The following PGBD2 variants were observed in gnomAD, a reference collection of about 807,000 sequenced individuals.
The protein encoded by PGBD2 is piggyBac transposable element derived 2.
In PGBD2, 6 loss-of-function variants were observed where a neutral mutation model predicts 8.1. The ratio of observed to expected loss-of-function variants is 0.74; its 90% CI spans 0.40 to 1.46. The LOEUF (loss-of-function observed/expected upper bound fraction) is 1.46, where lower values mean the gene tolerates loss of function less well. Ranked by LOEUF, PGBD2 falls within the 40% of genes most tolerant of loss-of-function variation. The probability of loss-of-function intolerance (pLI) is 0.02; values close to 1 mark genes in which losing one functional copy is unlikely to be tolerated. For synonymous variants in PGBD2, 318 were observed against 272.2 expected (o/e 1.17, Z -1.66); for missense variants, 802 against 739.0 (o/e 1.09, Z -0.99).
chr1:248,877,680 C>T, the PGBD2 span, among the ~76,000 whole-genome samples: 104,868 of 152,022 alleles, frequency 0.69, 36,437 homozygotes, highest in Middle Eastern at 0.77. Flanking sequence ...ATAGTTCTCT[C>T]TGGAATTTAA....
the PGBD2 span, among the ~76,000 whole-genome samples, chr1:248,928,952 A>T: frequency 6.6e-5 from 10 of 152,234 alleles, no homozygotes; most frequent in Non-Finnish European, 1.2e-4. Flanking sequence ...CTCTGGAATG[A>T]AATGAATTCT....
downstream of PGBD2, among the ~76,000 whole-genome samples, chr1:248,923,986 T>C (rs1662336728): frequency 6.6e-6 from 1 of 152,140 alleles, no homozygotes; most frequent in African/African-American, 2.4e-5. Context: ...CAGAGAGTTT[T>C]AAAAAGGAAA....
chr1:248,921,902 G>A (rs1662293461), downstream of PGBD2, among the ~76,000 whole-genome samples: 1 of 152,202 alleles, frequency 6.6e-6, no homozygotes, highest in East Asian at 1.9e-4. Context: ...TAGCAATTGC[G>A]AATGGGAGTT....
chr1:248,877,261 G>A, the PGBD2 span, among the ~76,000 whole-genome samples: 4 of 152,058 alleles, frequency 2.6e-5, no homozygotes, highest in East Asian at 1.9e-4. Context: ...TCTGTTACAC[G>A]CCATCATAGA....
At position 248,918,149 on chromosome 1, in the gene PGBD2, G is replaced by A. The variant is rs776169290; in HGVS notation, c.1565G>A (p.Cys522Tyr). Reference protein sequence around the residue: ...DLLAFRRYIACVYLESNADTT... With the variant: ...DLLAFRRYIAYVYLESNADTT... ...CTTGCCTTCCGGAGATACATTGCCTGTGTGTATCTGGAGAGCAATGCTGAC... is the reference window on the plus strand; with the variant it reads ...CTTGCCTTCCGGAGATACATTGCCTATGTGTATCTGGAGAGCAATGCTGAC... The change falls in exon 3 of 3, where the codon TGT becomes TAT. Residue 522 changes from cysteine to tyrosine, a missense_variant. Physicochemically the swap from Cys to Tyr is radical, Grantham distance 194. Coordinates refer to ENST00000329291, the MANE Select transcript of PGBD2 (RefSeq NM_170725.3). 1.9e-6 allele frequency: 3 copies of A among 1,614,212 alleles called. No individual in the cohort carries two copies. Among genetic ancestry groups the A allele is most frequent in the South Asian group, 2.2e-5 (2 of 91,086 alleles).
chr1:248,876,321 T>C, the PGBD2 span, among the ~76,000 whole-genome samples: 14 of 152,198 alleles, frequency 9.2e-5, no homozygotes, highest in Non-Finnish European at 1.6e-4. Context: ...ACTGTTCTTT[T>C]ATCAAAAACA....
At position 248,918,588 on chromosome 1, in the gene PGBD2, CTTAT is replaced by C. The variant is rs774509707; in HGVS notation, c.*233_*236del. On this transcript the variant is annotated 3_prime_UTR_variant, in exon 3 of 3. Transcript: ENST00000329291. ...ATTCATTTATATTTATATTTTTGAA[CTTAT>C]TTATTTAAAGTTATGGATCACTTTT... 5 of 238,002 alleles carry C rather than the reference CTTAT, an allele frequency of 2.1e-5. No individual in the cohort carries two copies. The highest frequency in any genetic ancestry group is 1.8e-4 in the South Asian group (1 of 5,518). 14.7% of individuals were successfully genotyped at this position (238,002 alleles called of 1,614,324 possible). A position where few individuals can be genotyped will look rare whatever the true frequency, so the allele number is the denominator to read the frequency against.
the PGBD2 span, among the ~76,000 whole-genome samples, chr1:248,875,320 A>AAAAAAAAAAAAAAAAAAAAAAC: frequency 6.6e-6 from 1 of 150,532 alleles, no homozygotes; most frequent in Non-Finnish European, 1.5e-5. Flanking sequence ...AAAAAAAAAA[A>AAAAAAAAAAAAAAAAAAAAAAC]AAAAAAAAGA....
chr1:248,908,652 A>G (rs1661749379), intron 1 of PGBD2, among the ~76,000 whole-genome samples: 1 of 149,764 alleles, frequency 6.7e-6, no homozygotes, highest in South Asian at 2.1e-4. Context: ...GCTTGTTAAC[A>G]TACACCCTTC....
At chr1:248,890,722 C>T in the PGBD2 span, among the ~76,000 whole-genome samples, 1 of 151,176 alleles carries the variant, frequency 6.6e-6, no homozygotes, top group Admixed American at 6.6e-5. Context: ...CCACACCCAG[C>T]TACGCTACAG....
At chr1:248,898,968 A>C in the PGBD2 span, among the ~76,000 whole-genome samples, 1 of 152,210 alleles carries the variant, frequency 6.6e-6, no homozygotes, top group Non-Finnish European at 1.5e-5. Flanking sequence ...GTTTCTGACA[A>C]AACAGACTTT....
Position 248,918,236 on chromosome 1 carries a change from G to T in PGBD2, c.1652G>T (p.Gly551Val). ...ACTGAGAGCCGCTTCGATATGATTGGGCACTGGATTATCCATCAGGACAAG... is the reference window on the plus strand; with the variant it reads ...ACTGAGAGCCGCTTCGATATGATTGTGCACTGGATTATCCATCAGGACAAG... ...LETESRFDMI[G>V]HWIIHQDKRT... The change falls in exon 3 of 3, where the codon GGG (glycine) becomes GTG (valine). Residue 551 changes from glycine (G) to valine (V), a missense_variant. Physicochemically the swap from Gly to Val is moderately radical, Grantham distance 109 (BLOSUM62 -3). Transcript: ENST00000329291. 6.2e-7 allele frequency: 1 copy of T among 1,614,106 alleles called. No individual in the cohort carries two copies. Among genetic ancestry groups the T allele is most frequent in the Non-Finnish European group, 8.5e-7 (1 of 1,179,980 alleles).
At chr1:248,875,196 T>C in the PGBD2 span, among the ~76,000 whole-genome samples, 1 of 150,056 alleles carries the variant, frequency 6.7e-6, no homozygotes, top group Non-Finnish European at 1.5e-5. Context: ...CTCAGGAGGC[T>C]GAGGCAGGAG....
chr1:248,899,182 T>G, the PGBD2 span, among the ~76,000 whole-genome samples: 1 of 152,120 alleles, frequency 6.6e-6, no homozygotes, highest in Non-Finnish European at 1.5e-5. Flanking sequence ...ACTGACAATA[T>G]TAGACAGATT....
chr1:248,921,424 T>G (rs1662285123), downstream of PGBD2, among the ~76,000 whole-genome samples: 1 of 152,230 alleles, frequency 6.6e-6, no homozygotes, highest in Non-Finnish European at 1.5e-5. Context: ...TTTTGTCAGG[T>G]TTGTCAAAGA....
the PGBD2 span, among the ~76,000 whole-genome samples, chr1:248,929,845 C>T: frequency 1.3e-5 from 2 of 152,160 alleles, no homozygotes; most frequent in South Asian, 2.1e-4. Context: ...AAGAAATGCA[C>T]GTCTTTTTTC....
chr1:248,877,140 C>A, the PGBD2 span, among the ~76,000 whole-genome samples: 1 of 152,148 alleles, frequency 6.6e-6, no homozygotes, highest in Non-Finnish European at 1.5e-5. Flanking sequence ...AAGATGTTGA[C>A]CCCAGCAAAC....
chr1:248,893,845 C>T, the PGBD2 span, among the ~76,000 whole-genome samples: 2 of 152,126 alleles, frequency 1.3e-5, no homozygotes, highest in Non-Finnish European at 2.9e-5. Context: ...TGTATTAATT[C>T]ACATCTCCAC....
At chr1:248,925,659 G>T in the PGBD2 span, among the ~76,000 whole-genome samples, 1,509 of 151,014 alleles carry the variant, frequency 1.0e-2, 37 homozygotes, top group African/African-American at 0.035. Flanking sequence ...TCCAGGAAGA[G>T]GCAGGCTGCT....
Sources: allele counts gnomAD v4.1 joint callset (sites outside exome capture counted in the v4.1 genomes callset), GRCh38; gene constraint gnomAD v4.1.1; transcripts MANE v1.5; gene names NCBI Gene and HGNC (gene_info 2026-07-23, HGNC 2026-07-21).